ZFHX3: variants seen among roughly 807,000 people sequenced by gnomAD.
ZFHX3 encodes zinc finger homeobox protein 3.
ZFHX3 carries 42 observed loss-of-function variants against 279.1 expected under a neutral mutation model. The observed-to-expected ratio is 0.15, with a 90% CI of 0.12 to 0.19. ZFHX3 has a LOEUF of 0.19. Ranked by LOEUF, ZFHX3 falls within the 10% of genes least tolerant of loss-of-function variation. The pLI is 1.00. For missense variants in ZFHX3, 4,981 were observed against 4,754.0 expected, an observed-to-expected ratio of 1.05 and a Z score of -1.40; for synonymous variants, 2,293 against 1,957.8, an observed-to-expected ratio of 1.17 and a Z score of -4.52.
chr16:73,621,909 G>T (rs2052367418), intron 2 of ZFHX3, among the ~76,000 whole-genome samples: 1 of 152,094 alleles, frequency 6.6e-6, no homozygotes, highest in Non-Finnish European at 1.5e-5. Context: ...ATGTCATCAG[G>T]GTCAAACACT....
intron 5 of ZFHX3, among the ~76,000 whole-genome samples, chr16:73,155,180 CAA>C (rs780941621): frequency 3.8e-5 from 4 of 105,214 alleles, no homozygotes; most frequent in Admixed American, 9.0e-5. Context: ...CTCAAAAAAA[CAA>C]AAAAAAAAAA....
intron 4 of ZFHX3, among the ~76,000 whole-genome samples, chr16:73,300,557 G>C (rs549251111): frequency 1.6e-3 from 242 of 151,978 alleles, no homozygotes; most frequent in African/African-American, 5.5e-3. Flanking sequence ...AGGCTGGAAT[G>C]CAATGGTGTG....
intron 3 of ZFHX3, among the ~76,000 whole-genome samples, chr16:73,356,838 C>CTT (rs779785366): frequency 4.5e-4 from 64 of 141,260 alleles, no homozygotes; most frequent in Admixed American, 3.0e-3. Flanking sequence ...CACCTGAGGG[C>CTT]TTTTTTTTTT....
chr16:73,098,901 T>G (rs114811886), intron 7 of ZFHX3: 120 of 152,298 alleles, frequency 7.9e-4, no homozygotes, highest in African/African-American at 2.4e-3. Context: ...ACCCCCTACA[T>G]TGGACTTGAT....
intron 7 of ZFHX3, among the ~76,000 whole-genome samples, chr16:73,113,793 CTTT>C (rs71391487): frequency 1.2e-4 from 12 of 103,002 alleles, no homozygotes; most frequent in Non-Finnish European, 1.5e-4. Context: ...TTTTTGGAAA[CTTT>C]TTTTTTTTTT....
At chr16:73,866,607 A>C (rs2142395744) in intron 1 of ZFHX3, among the ~76,000 whole-genome samples, 1 of 152,280 alleles carries the variant, frequency 6.6e-6, no homozygotes. Flanking sequence ...TCCAGGCCCC[A>C]AAAAAAGAAA....
chr16:72,847,198 G>A (rs1370279936), intron 4 of ZFHX3, among the ~76,000 whole-genome samples: 5 of 152,196 alleles, frequency 3.3e-5, no homozygotes, highest in Non-Finnish European at 5.9e-5. Context: ...GCTATTTTAA[G>A]CTAGCACTTC....
At chr16:73,541,577 G>A (rs2020011611) in intron 2 of ZFHX3, among the ~76,000 whole-genome samples, 1 of 152,096 alleles carries the variant, frequency 6.6e-6, no homozygotes, top group Admixed American at 6.5e-5. Context: ...TTTGGCAGAT[G>A]ACCTAGAGGC....
At chr16:73,228,039 G>C (rs893214853) in intron 5 of ZFHX3, among the ~76,000 whole-genome samples, 2 of 152,012 alleles carry the variant, frequency 1.3e-5, no homozygotes, top group Non-Finnish European at 2.9e-5. Context: ...TAAAGATAAG[G>C]AGAATGAGAA....
rs892717130 is a variant in ZFHX3 at position 72,788,908 on chromosome 16, A to G, written c.9428-60T>C. On this transcript the variant is annotated intron_variant, in intron 9 of 9. Coordinates refer to ENST00000268489, the MANE Select transcript of ZFHX3 (RefSeq NM_006885.4). ...CTGGGCAGGGGTAGGGCTGAAGCTC[A>G]AGACGTTTTACCGGTGTCACTGGCA... is the stretch of plus-strand genomic sequence containing the variant. 4.7e-6 allele frequency: 7 copies of G among 1,498,882 alleles called. No homozygotes were observed. In the South Asian group the frequency reaches 8.6e-5, roughly 18 times the overall value. The allele number at this position is 1,498,882 out of a possible 1,614,324, so 92.8% of individuals were successfully genotyped here.
At chr16:73,049,233 C>A (rs1407742016), upstream of ZFHX3, among the ~76,000 whole-genome samples, 1 of 152,240 alleles carries the variant, frequency 6.6e-6, no homozygotes, top group Non-Finnish European at 1.5e-5. Flanking sequence ...TCTGAATTTA[C>A]TCCCGATTCT....
intron 2 of ZFHX3, among the ~76,000 whole-genome samples, chr16:73,503,552 TC>T (rs1235022151): frequency 3.3e-5 from 5 of 152,208 alleles, no homozygotes; most frequent in Non-Finnish European, 7.3e-5. Flanking sequence ...CTCCTCCAGT[TC>T]CTGACCTGGG....
intron 1 of ZFHX3, among the ~76,000 whole-genome samples, chr16:73,045,105 C>T (rs1031202160): frequency 2.6e-5 from 4 of 152,138 alleles, no homozygotes; most frequent in Admixed American, 2.6e-4. Context: ...GAAGCATTTC[C>T]AGATTCTTAC....
At chr16:73,250,073 A>T (rs889797359) in intron 5 of ZFHX3, among the ~76,000 whole-genome samples, 2 of 152,176 alleles carry the variant, frequency 1.3e-5, no homozygotes, top group African/African-American at 4.8e-5. Flanking sequence ...TGATTCTGAA[A>T]CCAGGTCCTT....
intron 4 of ZFHX3, among the ~76,000 whole-genome samples, chr16:72,871,583 G>A (rs946361779): frequency 4.0e-5 from 6 of 151,522 alleles, no homozygotes; most frequent in African/African-American, 7.3e-5. Flanking sequence ...CTTATGATCC[G>A]CCTGCCTCAG....
Position 73,160,055 on chromosome 16 carries a change from G to A in ZFHX3, c.-1103-16224C>T, listed in dbSNP as rs144398601. 2.7e-3 allele frequency among the ~76,000 whole-genome samples: 416 copies of A among 152,264 alleles called. 1 individual carries two copies. Among genetic ancestry groups the A allele is most frequent in the Middle Eastern group, 0.017 (5 of 294 alleles). On this transcript the variant is annotated intron_variant, in intron 5 of 17. Coordinates refer to the ZFHX3 transcript ENST00000641206. The stretch of plus-strand genomic sequence containing the variant: ...TGGGATTACAGGCATGAGCCTCCAC[G>A]CCCGGCCTAAGCTAGATTATTAGGG...
At chr16:73,835,458 CTTTTTTTT>C (rs34127285) in intron 1 of ZFHX3, among the ~76,000 whole-genome samples, 3 of 49,536 alleles carry the variant, frequency 6.1e-5, no homozygotes, top group African/African-American at 1.4e-4. Context: ...CCCTCTTCTG[CTTTTTTTT>C]TTTTTTTTTT....
chr16:73,869,463 C>G (rs572077491), intron 1 of ZFHX3, among the ~76,000 whole-genome samples: 4 of 152,354 alleles, frequency 2.6e-5, no homozygotes, highest in Middle Eastern at 3.4e-3. Flanking sequence ...AAAAGGCTAA[C>G]TGTTTATGCA....
intron 3 of ZFHX3, among the ~76,000 whole-genome samples, chr16:72,909,385 A>T (rs1168335390): frequency 6.6e-6 from 1 of 152,216 alleles, no homozygotes; most frequent in African/African-American, 2.4e-5. Context: ...TTATGGAGAC[A>T]AATGGCTGGC....
Sources: gnomAD v4.1 joint callset for allele counts (sites outside exome capture counted in the v4.1 genomes callset) on GRCh38, gnomAD v4.1.1 for gene constraint, MANE v1.5 for transcripts, NCBI Gene and HGNC (gene_info 2026-07-23, HGNC 2026-07-21) for gene names.